ADGRL2: variants seen among roughly 807,000 people sequenced by gnomAD.
ADGRL2 encodes adhesion G protein-coupled receptor L2, also known as calcium-independent alpha-latrotoxin receptor 2.
ADGRL2 carries 44 observed loss-of-function variants against 157.4 expected under a neutral mutation model. That is an observed-to-expected ratio of 0.28 (90% confidence interval 0.22 to 0.36). The LOEUF (loss-of-function observed/expected upper bound fraction) is 0.36. Ranked by LOEUF, ADGRL2 falls within the 10% of genes least tolerant of loss-of-function variation. The pLI, the probability that ADGRL2 is intolerant of heterozygous loss-of-function variation, is 1.00. For synonymous variants in ADGRL2, 585 were observed against 624.7 expected, an observed-to-expected ratio of 0.94 and a Z score of 0.95; for missense variants, 1,510 against 1,768.9, an observed-to-expected ratio of 0.85 and a Z score of 2.63.
At chr1:81,438,232 C>T (rs1304122291) in intron 1 of ADGRL2, among the ~76,000 whole-genome samples, 2 of 152,122 alleles carry the variant, frequency 1.3e-5, no homozygotes, top group African/African-American at 4.8e-5. Flanking sequence ...GTTCTGGCTC[C>T]AGCTTATACC....
intron 1 of ADGRL2, among the ~76,000 whole-genome samples, chr1:81,834,797 G>T (rs994612459): frequency 6.6e-6 from 1 of 151,930 alleles, no homozygotes; most frequent in Non-Finnish European, 1.5e-5. Context: ...GTTTCCATTT[G>T]TCAGAAACAA....
At chr1:81,650,091 T>A (rs1055727827) in intron 3 of ADGRL2, among the ~76,000 whole-genome samples, 7 of 151,464 alleles carry the variant, frequency 4.6e-5, no homozygotes, top group Non-Finnish European at 5.9e-5. Flanking sequence ...CTGAAGGGAA[T>A]TTTATTTCAG....
intron 1 of ADGRL2, among the ~76,000 whole-genome samples, chr1:81,754,825 T>G (rs945139035): frequency 2.0e-5 from 3 of 151,834 alleles, no homozygotes; most frequent in Middle Eastern, 3.4e-3. Context: ...TGCCTCTTTT[T>G]CTTCATATAT....
chr1:81,467,615 A>T (rs1184519928), intron 2 of ADGRL2, among the ~76,000 whole-genome samples: 3 of 152,172 alleles, frequency 2.0e-5, no homozygotes, highest in Non-Finnish European at 4.4e-5. Flanking sequence ...GTGCGGTTAG[A>T]TCCCTAGTGA....
intron 2 of ADGRL2, among the ~76,000 whole-genome samples, chr1:81,486,740 T>A (rs1359958911): frequency 1.3e-5 from 2 of 152,190 alleles, no homozygotes; most frequent in African/African-American, 4.8e-5. Context: ...GTATTTCTCA[T>A]GCTTTGGACA....
At chr1:81,616,584 T>C (rs2081651299) in intron 3 of ADGRL2, among the ~76,000 whole-genome samples, 1 of 152,114 alleles carries the variant, frequency 6.6e-6, no homozygotes, top group African/African-American at 2.4e-5. Context: ...TTCAGCACTA[T>C]GAGTCCTCTC....
chr1:81,579,958 A>C (rs986798764), intron 2 of ADGRL2, among the ~76,000 whole-genome samples: 1 of 152,158 alleles, frequency 6.6e-6, no homozygotes, highest in African/African-American at 2.4e-5. Flanking sequence ...CTGCATCGTT[A>C]AGCATGGAAA....
At chr1:81,934,370 T>C (rs769933933) in intron 3 of ADGRL2, among the ~76,000 whole-genome samples, 1 of 151,984 alleles carries the variant, frequency 6.6e-6, no homozygotes, top group Non-Finnish European at 1.5e-5. Flanking sequence ...TACCATGACA[T>C]TGAGAAACAT....
chr1:81,578,233 A>T (rs1482440607), intron 2 of ADGRL2, among the ~76,000 whole-genome samples: 1 of 152,158 alleles, frequency 6.6e-6, no homozygotes, highest in East Asian at 1.9e-4. Context: ...AGGAAGGAAA[A>T]ATGAGACTGG....
At position 81,986,907 on chromosome 1, in the gene ADGRL2, C is replaced by T; in HGVS notation, c.3515C>T (p.Thr1172Ile). 1.2e-6 allele frequency: 2 copies of T among 1,604,738 alleles called. No individual in the cohort carries two copies. The highest frequency in any genetic ancestry group is 8.5e-7 in the Non-Finnish European group (1 of 1,176,510). Reference protein sequence around the residue: ...NSTSTLNQGMTGNYLLTNPLL... With the variant: ...NSTSTLNQGMIGNYLLTNPLL... The stretch of plus-strand genomic sequence containing the variant: ...TTTTTTTTTTTTACTTTAGGAATGA[C>T]TGGCAATTACCTACTAACAAACCCT... Residue 1172 changes from threonine to isoleucine, a missense_variant, in exon 22 of 24, where the codon ACT becomes ATT. Physicochemically the swap from Thr to Ile is moderately conservative, Grantham distance 89 (BLOSUM62 -1). Transcript: ENST00000686636.
At chr1:81,723,511 ATACT>A (rs1206608923) in intron 1 of ADGRL2, among the ~76,000 whole-genome samples, 1 of 152,196 alleles carries the variant, frequency 6.6e-6, no homozygotes, top group Non-Finnish European at 1.5e-5. Context: ...GGCAGGGAAG[ATACT>A]TATGTATGGA....
intron 2 of ADGRL2, among the ~76,000 whole-genome samples, chr1:81,567,941 T>C (rs1331013270): frequency 6.6e-6 from 1 of 152,134 alleles, no homozygotes; most frequent in Non-Finnish European, 1.5e-5. Context: ...TAAGTCATAG[T>C]ATTTCTTTGT....
intron 2 of ADGRL2, chr1:81,557,513 G>GAAAGAAAGAA (rs2080333050): frequency 2.2e-5 from 3 of 136,578 alleles, no homozygotes; most frequent in Non-Finnish European, 4.7e-5. Flanking sequence ...AAGAAAGAAA[G>GAAAGAAAGAA]AAAGAAAGAA....
chr1:81,459,831 TAC>T (rs771573199), intron 2 of ADGRL2, among the ~76,000 whole-genome samples: 10,222 of 100,876 alleles, frequency 0.1, 349 homozygotes, highest in Middle Eastern at 0.15. Context: ...TATATATATA[TAC>T]ACACACACAC....
intron 1 of ADGRL2, among the ~76,000 whole-genome samples, chr1:81,323,096 G>A (rs1200573492): frequency 6.6e-6 from 1 of 151,976 alleles, no homozygotes; most frequent in Non-Finnish European, 1.5e-5. Context: ...GATCTCAAGT[G>A]ATCTACCCAA....
At chr1:81,510,303 A>C (rs2148077825) in intron 2 of ADGRL2, among the ~76,000 whole-genome samples, 1 of 152,298 alleles carries the variant, frequency 6.6e-6, no homozygotes, top group African/African-American at 2.4e-5. Flanking sequence ...ATTTGACAGG[A>C]ACATGCAGGT....
chr1:81,681,420 G>A (rs2083110987), intron 3 of ADGRL2, among the ~76,000 whole-genome samples: 1 of 152,212 alleles, frequency 6.6e-6, no homozygotes, highest in African/African-American at 2.4e-5. Flanking sequence ...AAGAATGCAT[G>A]TGTGAGTAAA....
chr1:81,859,240 T>C (rs989445899), intron 2 of ADGRL2, among the ~76,000 whole-genome samples: 1 of 152,160 alleles, frequency 6.6e-6, no homozygotes. Context: ...ATACATGTAT[T>C]TATTTGTATG....
chr1:81,885,147 A>G (rs1163417638), intron 2 of ADGRL2, among the ~76,000 whole-genome samples: 7 of 152,192 alleles, frequency 4.6e-5, no homozygotes, highest in Admixed American at 1.3e-4. Flanking sequence ...AGAAGTAAGG[A>G]GGGGAAAGTG....
Sources: gnomAD v4.1 joint callset for allele counts (sites outside exome capture counted in the v4.1 genomes callset) on GRCh38, gnomAD v4.1.1 for gene constraint, MANE v1.5 for transcripts, NCBI Gene and HGNC (gene_info 2026-07-23, HGNC 2026-07-21) for gene names.